Variants in ADAMTS16 observed in about 807,000 individuals in gnomAD.
The protein encoded by ADAMTS16 is A disintegrin and metalloproteinase with thrombospondin motifs 16.
A neutral mutation model predicts 145.8 loss-of-function variants in ADAMTS16; 94 were observed. The observed-to-expected ratio is 0.64, with a 90% CI of 0.55 to 0.77. The LOEUF (loss-of-function observed/expected upper bound fraction) is 0.77, where lower values mean the gene tolerates loss of function less well. Among genes scored for constraint, ADAMTS16 ranks in the 30% least tolerant of loss-of-function variants. ADAMTS16 has a pLI of 0.00. For missense variants in ADAMTS16, 1,585 were observed against 1,591.5 expected (o/e 1.00, Z 0.07); for synonymous variants, 659 against 604.3 (o/e 1.09, Z -1.33).
chr5:5,237,058 T>C lies in ADAMTS16; in HGVS notation c.2113T>C (p.Ser705Pro), dbSNP rs1329024630. 1.2e-6 allele frequency: 2 copies of C among 1,614,046 alleles called. No homozygotes were observed. The highest frequency in any genetic ancestry group is 1.7e-6 in the Non-Finnish European group (2 of 1,180,028). ...SNKVKDGTPCSEDSRNVCIDG... is the reference protein window; with the variant it reads ...SNKVKDGTPCPEDSRNVCIDG... ...TAAAGTCAAAGATGGGACTCCATGC[T>C]CGGAGGATAGCCGTAATGTTTGTAT... Residue 705 changes from serine to proline, a missense_variant, in exon 14 of 23, where the codon TCG becomes CCG. Ser to Pro is a moderately conservative substitution (Grantham distance 74). Coordinates refer to ENST00000274181, the MANE Select transcript of ADAMTS16 (RefSeq NM_139056.4).
rs149604789 is a variant in ADAMTS16, at chr5:5,300,121, G to T, written c.2790-3147G>T. On this transcript the variant is annotated intron_variant, in intron 18 of 22. Transcript: ENST00000274181. ...ACGTCTTAAGATGGTGGAGACAGAAGACTTAACGAGGCGGTGTGAAAAGCT... is the reference window on the plus strand; with the variant it reads ...ACGTCTTAAGATGGTGGAGACAGAATACTTAACGAGGCGGTGTGAAAAGCT... Among the ~76,000 whole-genome samples, 103 of 152,302 alleles carry T rather than the reference G, an allele frequency of 6.8e-4. 1 individual carries two copies. The East Asian group carries it at 0.018, about 26-fold the overall frequency.
Position 5,318,218 on chromosome 5 carries a change from C to A in ADAMTS16, c.3496C>A (p.His1166Asn). 2.5e-6 allele frequency: 4 copies of A among 1,570,116 alleles called. No homozygotes were observed. The highest frequency in any genetic ancestry group is 3.5e-6 in the Non-Finnish European group (4 of 1,153,518). The change falls in exon 22 of 23, where the codon CAC becomes AAC. Residue 1166 changes from histidine (H) to asparagine (N), a missense_variant. By Grantham distance (68) the His-to-Asn change is moderately conservative. This residue lies in a region of ADAMTS16 where 834 missense variants were observed against 811.7 expected (regional missense o/e 1.03). Coordinates refer to ENST00000274181, the MANE Select transcript of ADAMTS16 (RefSeq NM_139056.4). ...CCGGCCGGCCTCAGGCTGCCTCCTG[C>A]ACCAGAAGCCTTCGGCCTCCCTGGC... ...GGRPASGCLLHQKPSASLACN... is the reference protein window; with the variant it reads ...GGRPASGCLLNQKPSASLACN...
chr5:5,272,646 T>C (rs1265360247), intron 18 of ADAMTS16, among the ~76,000 whole-genome samples: 2 of 152,166 alleles, frequency 1.3e-5, no homozygotes, highest in Non-Finnish European at 2.9e-5. Context: ...ATTACAGGCG[T>C]GAGCCACTGC....
intron 3 of ADAMTS16, among the ~76,000 whole-genome samples, chr5:5,161,815 A>G (rs1488760966): frequency 6.6e-6 from 1 of 152,178 alleles, no homozygotes; most frequent in Non-Finnish European, 1.5e-5. Flanking sequence ...TGCTTCATTT[A>G]TGTGGGTCTT....
Position 5,294,894 on chromosome 5 carries a change from A to T in ADAMTS16, c.2790-8374A>T, listed in dbSNP as rs1369840376. Reference sequence around the variant, plus strand: ...CATTACCCACCAGACAGAGATGTCTATAAGCAATGGTTTATACAGCTGTGG... The same window carrying T: ...CATTACCCACCAGACAGAGATGTCTTTAAGCAATGGTTTATACAGCTGTGG... On this transcript the variant is annotated intron_variant, in intron 18 of 22. Coordinates refer to ENST00000274181, the MANE Select transcript of ADAMTS16 (RefSeq NM_139056.4). Among the ~76,000 whole-genome samples the T allele has an allele frequency of 1.3e-5, 2 of 152,238 alleles. 1 individual carries two copies. Among genetic ancestry groups the T allele is most frequent in the Admixed American group, 1.3e-4 (2 of 15,290 alleles).
intron 18 of ADAMTS16, among the ~76,000 whole-genome samples, chr5:5,298,579 T>C (rs1739642491): frequency 6.6e-6 from 1 of 152,358 alleles, no homozygotes; most frequent in South Asian, 2.1e-4. Context: ...TACTTTCAGC[T>C]TACAGCCGGC....
At chr5:5,220,319 C>A (rs6878144) in intron 10 of ADAMTS16, among the ~76,000 whole-genome samples, 101,681 of 148,230 alleles carry the variant, frequency 0.69, 35,292 homozygotes, top group East Asian at 0.88. Context: ...GCCACCACGC[C>A]TGGCTAATTT....
intron 11 of ADAMTS16, among the ~76,000 whole-genome samples, chr5:5,228,381 A>G (rs1048697233): frequency 2.0e-5 from 3 of 152,230 alleles, no homozygotes; most frequent in Non-Finnish European, 2.9e-5. Flanking sequence ...TATATTGTTA[A>G]GAACCAAGAT....
intron 9 of ADAMTS16, among the ~76,000 whole-genome samples, chr5:5,205,375 C>T (rs555836218): frequency 1.4e-3 from 219 of 151,594 alleles, no homozygotes; most frequent in Middle Eastern, 6.8e-3. Context: ...CACATGATCT[C>T]CTACAAGTTT....
intron 18 of ADAMTS16, among the ~76,000 whole-genome samples, chr5:5,283,401 G>A (rs1284498367): frequency 3.3e-5 from 5 of 152,092 alleles, no homozygotes; most frequent in Admixed American, 6.5e-5. Context: ...AAAAGAAGTT[G>A]ACAAATGTGT....
intron 3 of ADAMTS16, among the ~76,000 whole-genome samples, chr5:5,148,411 T>C (rs1734360638): frequency 1.3e-5 from 2 of 152,242 alleles, no homozygotes; most frequent in Admixed American, 6.5e-5. Context: ...TTCCATTCTA[T>C]CTGTTTAATT....
intron 3 of ADAMTS16, among the ~76,000 whole-genome samples, chr5:5,179,220 G>A (rs1735273366): frequency 6.6e-6 from 1 of 150,744 alleles, no homozygotes; most frequent in African/African-American, 2.4e-5. Flanking sequence ...ATGAGAATGG[G>A]ATGATAAATT....
intron 10 of ADAMTS16, among the ~76,000 whole-genome samples, chr5:5,213,022 G>A (rs1736320509): frequency 2.0e-5 from 3 of 152,100 alleles, no homozygotes; most frequent in Admixed American, 6.5e-5. Context: ...AATTAACTTT[G>A]TGCCCACTTC....
chr5:5,300,905 T>G (rs558858859), intron 18 of ADAMTS16, among the ~76,000 whole-genome samples: 1 of 152,186 alleles, frequency 6.6e-6, no homozygotes, highest in South Asian at 2.1e-4. Context: ...CTGGATCTCC[T>G]GGAGCTTGAG....
intron 3 of ADAMTS16, among the ~76,000 whole-genome samples, chr5:5,171,088 A>G (rs1442041444): frequency 6.6e-6 from 1 of 152,210 alleles, no homozygotes; most frequent in Non-Finnish European, 1.5e-5. Context: ...GTTAGCATAT[A>G]GAAATGCTAC....
intron 13 of ADAMTS16, 30 bp downstream of exon 13, chr5:5,235,216 C>T (rs1440283708): frequency 3.3e-6 from 5 of 1,521,250 alleles, no homozygotes; most frequent in Non-Finnish European, 4.5e-6. Context: ...CGGGTAATAG[C>T]CTCATGCTTT....
chr5:5,218,107 A>G (rs1736486648), intron 10 of ADAMTS16, among the ~76,000 whole-genome samples: 1 of 152,252 alleles, frequency 6.6e-6, no homozygotes, highest in Admixed American at 6.5e-5. Context: ...CTACAACAAT[A>G]GTGCTTTAAT....
At chr5:5,180,032 T>C (rs926449680) in intron 3 of ADAMTS16, among the ~76,000 whole-genome samples, 2 of 152,172 alleles carry the variant, frequency 1.3e-5, no homozygotes, top group Admixed American at 6.5e-5. Flanking sequence ...GTTCACACTG[T>C]ACAAATGTCT....
chr5:5,233,807 T>A (rs577123886), intron 12 of ADAMTS16, among the ~76,000 whole-genome samples: 6 of 152,196 alleles, frequency 3.9e-5, no homozygotes, highest in Non-Finnish European at 4.4e-5. Context: ...TGAACATTCA[T>A]GTGCGTGTGT....
Sources: allele counts gnomAD v4.1 joint callset (sites outside exome capture counted in the v4.1 genomes callset), GRCh38; gene constraint gnomAD v4.1.1; regional missense constraint gnomAD v4.1.1; transcripts MANE v1.5; gene names NCBI Gene and HGNC (gene_info 2026-07-23, HGNC 2026-07-21).